The following KCNJ6 variants were observed in gnomAD, a reference collection of about 807,000 sequenced individuals.
KCNJ6 encodes G protein-activated inward rectifier potassium channel 2.
KCNJ6 carries 9 observed loss-of-function variants against 34.2 expected under a neutral mutation model. The observed-to-expected ratio is 0.26, with a 90% CI of 0.16 to 0.46. The LOEUF (loss-of-function observed/expected upper bound fraction) is 0.46, where lower values mean the gene tolerates loss of function less well. Among genes scored for constraint, KCNJ6 ranks in the 20% least tolerant of loss-of-function variants. The pLI is 1.00. For missense variants in KCNJ6, 236 were observed against 531.3 expected, an observed-to-expected ratio of 0.44 and a Z score of 5.46; for synonymous variants, 196 against 207.1, an observed-to-expected ratio of 0.95 and a Z score of 0.46.
At chr21:37,700,835 A>C (rs2054687008) in intron 3 of KCNJ6, among the ~76,000 whole-genome samples, 1 of 152,078 alleles carries the variant, frequency 6.6e-6, no homozygotes, top group South Asian at 2.1e-4. Flanking sequence ...ATGGCAGTAG[A>C]GTGTCTTGAG....
intron 1 of KCNJ6, among the ~76,000 whole-genome samples, chr21:37,877,313 T>C (rs2055683853): frequency 6.6e-6 from 1 of 152,184 alleles, no homozygotes; most frequent in African/African-American, 2.4e-5. Context: ...TATCTGCAGT[T>C]TCTACCATGA....
At chr21:37,794,754 C>T (rs1428667850) in intron 2 of KCNJ6, among the ~76,000 whole-genome samples, 1 of 151,972 alleles carries the variant, frequency 6.6e-6, no homozygotes, top group African/African-American at 2.4e-5. Context: ...GGAGGGAGAA[C>T]ATTAGGACAA....
intron 1 of KCNJ6, among the ~76,000 whole-genome samples, chr21:37,907,038 G>A (rs188337808): frequency 1.2e-3 from 188 of 152,332 alleles, no homozygotes; most frequent in Middle Eastern, 0.01. Flanking sequence ...TATTTTGCAC[G>A]TTAGAGATGT....
intron 1 of KCNJ6, among the ~76,000 whole-genome samples, chr21:37,866,695 A>C (rs1477440751): frequency 6.6e-6 from 1 of 152,168 alleles, no homozygotes; most frequent in Admixed American, 6.6e-5. Flanking sequence ...ATTCCCACGA[A>C]ACAGCACTTC....
At chr21:37,672,833 C>T (rs1422621526) in intron 3 of KCNJ6, among the ~76,000 whole-genome samples, 1 of 152,010 alleles carries the variant, frequency 6.6e-6, no homozygotes, top group African/African-American at 2.4e-5. Flanking sequence ...GGTGGGAGTG[C>T]AGTGGTACCA....
chr21:37,628,758 A>C (rs555638622), intron 3 of KCNJ6, among the ~76,000 whole-genome samples: 1 of 152,238 alleles, frequency 6.6e-6, no homozygotes, highest in Non-Finnish European at 1.5e-5. Flanking sequence ...CTGTTGAAAC[A>C]TGACGATGAA....
chr21:37,863,357 T>C (rs562190443), intron 1 of KCNJ6, among the ~76,000 whole-genome samples: 125 of 152,342 alleles, frequency 8.2e-4, no homozygotes, highest in African/African-American at 2.9e-3. Flanking sequence ...GCCCATATGC[T>C]ATACCCTCAG....
chr21:37,669,348 C>T (rs750559327), intron 3 of KCNJ6, among the ~76,000 whole-genome samples: 8 of 152,154 alleles, frequency 5.3e-5, no homozygotes, highest in East Asian at 1.9e-4. Flanking sequence ...ACATGTTCTC[C>T]GGACTTCTTG....
At chr21:37,801,900 T>C (rs920373799) in intron 2 of KCNJ6, among the ~76,000 whole-genome samples, 1 of 152,180 alleles carries the variant, frequency 6.6e-6, no homozygotes, top group Non-Finnish European at 1.5e-5. Context: ...CCAGTCACCA[T>C]GTGTGGTAGG....
At chr21:37,637,915 C>A (rs73410076) in intron 3 of KCNJ6, among the ~76,000 whole-genome samples, 1,948 of 152,350 alleles carry the variant, frequency 0.013, 45 homozygotes, top group African/African-American at 0.044. Flanking sequence ...GCCAACCCTG[C>A]TGACACCTTG....
intron 3 of KCNJ6, among the ~76,000 whole-genome samples, chr21:37,625,989 T>C (rs7283099): frequency 0.4 from 61,356 of 152,054 alleles, 12,558 homozygotes; most frequent in Admixed American, 0.5. Flanking sequence ...CCCTCCCACC[T>C]GCCATTAACA....
intron 2 of KCNJ6, among the ~76,000 whole-genome samples, chr21:37,816,615 G>T (rs190238178): frequency 6.6e-6 from 1 of 152,326 alleles, no homozygotes; most frequent in East Asian, 1.9e-4. Context: ...TGCTGGGCTG[G>T]GTCAGGGCGA....
At chr21:37,845,607 G>A (rs185526646) in intron 1 of KCNJ6, among the ~76,000 whole-genome samples, 1 of 152,212 alleles carries the variant, frequency 6.6e-6, no homozygotes, top group Non-Finnish European at 1.5e-5. Flanking sequence ...ATACAGTCAA[G>A]TGTAATGTCC....
At chr21:37,733,609 G>GT (rs921132694) in intron 2 of KCNJ6, among the ~76,000 whole-genome samples, 42 of 152,228 alleles carry the variant, frequency 2.8e-4, no homozygotes, top group African/African-American at 9.4e-4. Flanking sequence ...CTTTTTTAGG[G>GT]TTTTTTAGGA....
At chr21:37,645,534 C>A (rs561203936) in intron 3 of KCNJ6, among the ~76,000 whole-genome samples, 3 of 152,136 alleles carry the variant, frequency 2.0e-5, no homozygotes, top group African/African-American at 7.2e-5. Flanking sequence ...AAATAGTGGG[C>A]AAATTTGGAA....
chr21:37,790,928 T>G (rs1009725041), intron 2 of KCNJ6, among the ~76,000 whole-genome samples: 3 of 152,226 alleles, frequency 2.0e-5, no homozygotes, highest in Admixed American at 2.0e-4. Flanking sequence ...GCTCCACAAT[T>G]ACATTTCCAT....
At chr21:37,777,091 C>T (rs1481035769) in intron 2 of KCNJ6, among the ~76,000 whole-genome samples, 4 of 152,084 alleles carry the variant, frequency 2.6e-5, no homozygotes, top group East Asian at 1.9e-4. Flanking sequence ...GCGTATGTGT[C>T]GAGGAATTTA....
At chr21:37,750,914 C>A (rs1256080784) in intron 2 of KCNJ6, among the ~76,000 whole-genome samples, 2 of 152,146 alleles carry the variant, frequency 1.3e-5, no homozygotes, top group African/African-American at 4.8e-5. Context: ...GAAGCTAAAA[C>A]TTGGTAAGAA....
intron 1 of KCNJ6, among the ~76,000 whole-genome samples, chr21:37,843,428 T>G (rs1271670909): frequency 6.6e-6 from 1 of 152,080 alleles, no homozygotes; most frequent in East Asian, 1.9e-4. Context: ...ATGACATATG[T>G]TTTGGTGTAA....
Sources: allele counts gnomAD v4.1 joint callset (sites outside exome capture counted in the v4.1 genomes callset), GRCh38; gene constraint gnomAD v4.1.1; transcripts MANE v1.5; gene names NCBI Gene and HGNC (gene_info 2026-07-23, HGNC 2026-07-21).